SPATA9: variants seen among roughly 807,000 people sequenced by gnomAD.
SPATA9 encodes the protein spermatogenesis associated 9, also known as spermatogenesis-associated protein 9.
In SPATA9, 27 loss-of-function variants were observed where a neutral mutation model predicts 25.5. The observed-to-expected ratio is 1.06, with a 90% CI of 0.78 to 1.46. The LOEUF (loss-of-function observed/expected upper bound fraction) is 1.46. Among genes scored for constraint, SPATA9 ranks in the 40% most tolerant of loss-of-function variants. SPATA9 has a pLI of 0.00. For missense variants in SPATA9, 282 were observed against 297.5 expected, an observed-to-expected ratio of 0.95 and a Z score of 0.38; for synonymous variants, 102 against 105.7, an observed-to-expected ratio of 0.97 and a Z score of 0.21.
At chr5:95,699,525 G>A (rs1754126550), upstream of SPATA9, among the ~76,000 whole-genome samples, 1 of 152,118 alleles carries the variant, frequency 6.6e-6, no homozygotes, top group Non-Finnish European at 1.5e-5. Context: ...GAAACATTTA[G>A]CAATATCAAC....
chr5:95,698,443 G>A (rs1456411622), intron 1 of SPATA9: 1 of 152,226 alleles, frequency 6.6e-6, no homozygotes, highest in African/African-American at 2.4e-5. Flanking sequence ...GACGCTCAGG[G>A]ACTAGATTGT....
At chr5:95,692,535 C>T (rs1753919385) in intron 1 of SPATA9, among the ~76,000 whole-genome samples, 1 of 151,744 alleles carries the variant, frequency 6.6e-6, no homozygotes, top group African/African-American at 2.4e-5. Flanking sequence ...TTTCCTTTTT[C>T]TTTAATCTAT....
chr5:95,669,534 T>C (rs1752160686), intron 3 of SPATA9, among the ~76,000 whole-genome samples: 1 of 152,172 alleles, frequency 6.6e-6, no homozygotes, highest in Admixed American at 6.5e-5. Context: ...TTTTCTTCAC[T>C]TTGGTCCCTA....
At chr5:95,730,139 C>A in the SPATA9 span, among the ~76,000 whole-genome samples, 1 of 151,830 alleles carries the variant, frequency 6.6e-6, no homozygotes, top group African/African-American at 2.4e-5. Context: ...CCTCTCTGAG[C>A]ACGAGAAACT....
At chr5:95,662,805 C>T (rs997832908) in intron 4 of SPATA9, among the ~76,000 whole-genome samples, 1 of 152,162 alleles carries the variant, frequency 6.6e-6, no homozygotes, top group African/African-American at 2.4e-5. Flanking sequence ...GGTACTCAAT[C>T]TCATTAATAG....
rs1329421922 is a variant in SPATA9 at position 95,675,630 on chromosome 5, G to C, written c.160C>G (p.Pro54Ala). The C allele has an allele frequency of 6.2e-7, 1 of 1,613,820 alleles. No individual in the cohort carries two copies. The highest frequency in any genetic ancestry group is 1.7e-4 in the Middle Eastern group (1 of 6,058). ...RLSQSNQKREPAQKTSKIRMA... is the reference protein window; with the variant it reads ...RLSQSNQKREAAQKTSKIRMA... ...CTGATTTTGGATGTTTTCTGCGCAG[G>C]TTCTCTTTTCTGAAAAATAGGCCTT... is the stretch of plus-strand genomic sequence containing the variant. The change falls in exon 3 of 5, where the codon CCT becomes GCT. Residue 54 changes from proline (P) to alanine (A), a missense_variant. Coordinates refer to ENST00000274432, the MANE Select transcript of SPATA9 (RefSeq NM_031952.4).
chr5:95,709,033 GA>G, the SPATA9 span, among the ~76,000 whole-genome samples: 1 of 152,186 alleles, frequency 6.6e-6, no homozygotes, highest in Admixed American at 6.5e-5. Flanking sequence ...TGGGAGTGAT[GA>G]ATCCAAGCAG....
chr5:95,683,268 C>A (rs778989229), upstream of SPATA9, among the ~76,000 whole-genome samples: 8 of 152,014 alleles, frequency 5.3e-5, no homozygotes, highest in Non-Finnish European at 1.2e-4. Flanking sequence ...ATATATGATG[C>A]CAAATAGAAA....
At chr5:95,706,858 A>G in the SPATA9 span, among the ~76,000 whole-genome samples, 3 of 152,096 alleles carry the variant, frequency 2.0e-5, no homozygotes, top group Non-Finnish European at 4.4e-5. Flanking sequence ...ATAATTTTGT[A>G]TGCAAAGTAT....
chr5:95,652,350 A>G (rs969083157), downstream of SPATA9: 67 of 1,548,532 alleles, frequency 4.3e-5, no homozygotes, highest in Admixed American at 1.2e-4. Flanking sequence ...ATAGAATTCT[A>G]TGACCTGGAA....
downstream of SPATA9, chr5:95,657,331 A>G (rs1426948066): frequency 6.6e-6 from 1 of 151,882 alleles, no homozygotes; most frequent in East Asian, 1.9e-4. Flanking sequence ...TACCAGTTGT[A>G]ATGTATTTAA....
chr5:95,728,276 A>G, the SPATA9 span, among the ~76,000 whole-genome samples: 1 of 152,200 alleles, frequency 6.6e-6, no homozygotes, highest in East Asian at 1.9e-4. Flanking sequence ...CTGCTTTAAT[A>G]TAGAAACCTT....
At chr5:95,661,778 C>T (rs1751284824) in intron 4 of SPATA9, among the ~76,000 whole-genome samples, 1 of 151,940 alleles carries the variant, frequency 6.6e-6, no homozygotes. Context: ...CTATTCTTGA[C>T]CCTATGCACT....
chr5:95,707,823 AG>A, the SPATA9 span, among the ~76,000 whole-genome samples: 1 of 151,932 alleles, frequency 6.6e-6, no homozygotes, highest in Admixed American at 6.6e-5. Context: ...AAAGAAGGCT[AG>A]GTGATTAAAG....
At chr5:95,678,728 TA>T (rs1018380341) in intron 2 of SPATA9, among the ~76,000 whole-genome samples, 2 of 152,066 alleles carry the variant, frequency 1.3e-5, no homozygotes, top group African/African-American at 2.4e-5. Context: ...ATCCTGGAAA[TA>T]AAAAAAATTT....
chr5:95,669,837 C>T (rs977388850), intron 3 of SPATA9, among the ~76,000 whole-genome samples: 6 of 152,190 alleles, frequency 3.9e-5, no homozygotes, highest in African/African-American at 1.4e-4. Flanking sequence ...ATGTTGAAAA[C>T]TACCAGGAAA....
intron 4 of SPATA9, among the ~76,000 whole-genome samples, chr5:95,662,448 C>A (rs1001825455): frequency 2.6e-5 from 4 of 152,118 alleles, no homozygotes; most frequent in African/African-American, 9.7e-5. Context: ...GACTGGATCT[C>A]ACTATTTTGC....
chr5:95,670,340 C>T (rs1266986950), intron 3 of SPATA9: 1 of 152,128 alleles, frequency 6.6e-6, no homozygotes, highest in East Asian at 1.9e-4. Context: ...TTCTTTGTTT[C>T]CAAAGGAAGT....
chr5:95,708,385 C>T, the SPATA9 span, among the ~76,000 whole-genome samples: 7 of 152,022 alleles, frequency 4.6e-5, no homozygotes, highest in Non-Finnish European at 8.8e-5. Context: ...CATGACATGC[C>T]ATAATATTAT....
Sources: allele counts gnomAD v4.1 joint callset (sites outside exome capture counted in the v4.1 genomes callset), GRCh38; gene constraint gnomAD v4.1.1; transcripts MANE v1.5; gene names NCBI Gene and HGNC (gene_info 2026-07-23, HGNC 2026-07-21).